IL1RAPL1: variants seen among roughly 807,000 people sequenced by gnomAD.
IL1RAPL1 encodes the protein interleukin-1 receptor accessory protein-like 1.
Under a neutral mutation model 48.4 loss-of-function variants are expected in IL1RAPL1, and 3 were observed. The observed-to-expected ratio is 0.06, with a 90% CI of 0.03 to 0.16. The LOEUF is 0.16. IL1RAPL1 is among the 10% of genes least tolerant of loss of function. The pLI is 1.00. For synonymous variants in IL1RAPL1, 185 were observed against 187.7 expected, an observed-to-expected ratio of 0.99 and a Z score of 0.12; for missense variants, 349 against 530.6, an observed-to-expected ratio of 0.66 and a Z score of 3.36.
chrX:29,797,923 T>G (rs922680045), intron 6 of IL1RAPL1, among the ~76,000 whole-genome samples: 4 of 111,588 alleles, frequency 3.6e-5, no homozygotes, highest in Non-Finnish European at 7.5e-5. Context: ...AAGGGATTTA[T>G]TAAATCTCAG....
chrX:29,720,286 A>G (rs1601794498), intron 6 of IL1RAPL1, among the ~76,000 whole-genome samples: 1 of 112,047 alleles, frequency 8.9e-6, no homozygotes, highest in Non-Finnish European at 1.9e-5. Flanking sequence ...TTATTCTACT[A>G]TAAAGACACA....
intron 6 of IL1RAPL1, among the ~76,000 whole-genome samples, chrX:29,867,313 G>A (rs1261540325): frequency 1.8e-5 from 2 of 111,634 alleles, no homozygotes; most frequent in South Asian, 3.8e-4. Flanking sequence ...GTATCCCCTA[G>A]AATTCCTATT....
chrX:29,162,420 C>T (rs1228735698), intron 2 of IL1RAPL1, among the ~76,000 whole-genome samples: 1 of 109,410 alleles, frequency 9.1e-6, no homozygotes, highest in Non-Finnish European at 1.9e-5. Context: ...CTGCAGAAGA[C>T]CATAAATATA....
intron 5 of IL1RAPL1, among the ~76,000 whole-genome samples, chrX:29,412,036 C>T (rs181944942): frequency 3.6e-5 from 4 of 111,110 alleles, no homozygotes; most frequent in Admixed American, 1.9e-4. Context: ...TTTGGGAGGC[C>T]GAAGTGGGTG....
At chrX:29,246,470 G>A (rs2147569944) in intron 2 of IL1RAPL1, among the ~76,000 whole-genome samples, 1 of 110,302 alleles carries the variant, frequency 9.1e-6, no homozygotes, top group Admixed American at 9.7e-5. Context: ...GCTGATGAGG[G>A]GATTTTCATA....
At chrX:28,778,454 G>A (rs1465977451) in intron 1 of IL1RAPL1, among the ~76,000 whole-genome samples, 1 of 111,812 alleles carries the variant, frequency 8.9e-6, no homozygotes, top group African/African-American at 3.3e-5. Context: ...CCCTGGCTCT[G>A]TCACTTGCCT....
intron 1 of IL1RAPL1, among the ~76,000 whole-genome samples, chrX:28,733,135 G>T (rs1935775993): frequency 9.3e-6 from 1 of 107,465 alleles, no homozygotes; most frequent in Non-Finnish European, 1.9e-5. Flanking sequence ...TGCACACACA[G>T]TTATATATAT....
intron 2 of IL1RAPL1, among the ~76,000 whole-genome samples, chrX:28,885,335 C>T (rs1922603065): frequency 9.0e-6 from 1 of 111,069 alleles, no homozygotes; most frequent in Non-Finnish European, 1.9e-5. Context: ...ATTTCAAGGA[C>T]TTTCGCAGTG....
intron 2 of IL1RAPL1, among the ~76,000 whole-genome samples, chrX:29,065,793 A>T (rs1311795889): frequency 9.0e-6 from 1 of 111,048 alleles, no homozygotes; most frequent in African/African-American, 3.3e-5. Flanking sequence ...GTCATTTCAA[A>T]CCTACTCTTG....
At chrX:29,579,750 G>T (rs2147802941) in intron 5 of IL1RAPL1, among the ~76,000 whole-genome samples, 1 of 111,344 alleles carries the variant, frequency 9.0e-6, no homozygotes, top group African/African-American at 3.3e-5. Flanking sequence ...CTCCAAAGCA[G>T]GTTATTCAAA....
chrX:28,957,180 G>T (rs1319276755), intron 2 of IL1RAPL1, among the ~76,000 whole-genome samples: 3 of 111,189 alleles, frequency 2.7e-5, no homozygotes, highest in Non-Finnish European at 5.7e-5. Flanking sequence ...TATACCTAAT[G>T]CTAGATGACG....
At chrX:28,999,824 A>G (rs1925807634) in intron 2 of IL1RAPL1, among the ~76,000 whole-genome samples, 1 of 112,031 alleles carries the variant, frequency 8.9e-6, no homozygotes, top group Non-Finnish European at 1.9e-5. Flanking sequence ...TGTTCTAAGG[A>G]TAGTTGCTTT....
intron 1 of IL1RAPL1, among the ~76,000 whole-genome samples, chrX:28,717,335 A>G (rs781072148): frequency 1.8e-5 from 2 of 112,139 alleles, no homozygotes; most frequent in South Asian, 3.7e-4. Flanking sequence ...GAATGAGATC[A>G]TGTCCTTTGT....
chrX:29,177,328 T>C (rs1468687692), intron 2 of IL1RAPL1, among the ~76,000 whole-genome samples: 3 of 111,830 alleles, frequency 2.7e-5, no homozygotes, highest in African/African-American at 9.8e-5. Flanking sequence ...CATTCACAAT[T>C]ATACTCTTAA....
chrX:29,650,718 T>C (rs1925490386), intron 5 of IL1RAPL1, among the ~76,000 whole-genome samples: 1 of 110,675 alleles, frequency 9.0e-6, no homozygotes, highest in Admixed American at 9.6e-5. Context: ...TTTTGGGCAA[T>C]GATTTTTTGG....
intron 2 of IL1RAPL1, among the ~76,000 whole-genome samples, chrX:29,113,163 T>C (rs1057269978): frequency 1.8e-5 from 2 of 111,897 alleles, no homozygotes; most frequent in African/African-American, 6.5e-5. Context: ...ATCACAACCG[T>C]TCATAATCCA....
chrX:28,828,484 T>A (rs1601920877), intron 2 of IL1RAPL1, among the ~76,000 whole-genome samples: 1 of 111,820 alleles, frequency 8.9e-6, no homozygotes, highest in Non-Finnish European at 1.9e-5. Flanking sequence ...CCTAGACTAT[T>A]TGTTGAAAAG....
At chrX:29,249,010 G>T (rs938643992) in intron 2 of IL1RAPL1, among the ~76,000 whole-genome samples, 2 of 111,182 alleles carry the variant, frequency 1.8e-5, no homozygotes, top group African/African-American at 6.6e-5. Context: ...AGTTGAAAAG[G>T]TATCATTAAA....
intron 6 of IL1RAPL1, among the ~76,000 whole-genome samples, chrX:29,915,004 T>TA (rs1317244803): frequency 9.3e-6 from 1 of 107,544 alleles, no homozygotes; most frequent in African/African-American, 3.8e-5. Context: ...GACTATCACA[T>TA]AAAAAATCCG....
Sources: allele counts gnomAD v4.1 joint callset (sites outside exome capture counted in the v4.1 genomes callset), GRCh38; gene constraint gnomAD v4.1.1; transcripts MANE v1.5; gene names NCBI Gene and HGNC (gene_info 2026-07-23, HGNC 2026-07-21).